Variants in AKAP13 observed in about 807,000 individuals in gnomAD.
AKAP13 encodes A-kinase anchoring protein 13.
In AKAP13, 80 loss-of-function variants were observed where a neutral mutation model predicts 264.5. That is an observed-to-expected ratio of 0.30 (90% CI 0.25 to 0.36). The LOEUF (loss-of-function observed/expected upper bound fraction) is 0.36, where lower values mean the gene tolerates loss of function less well. AKAP13 is among the 10% of genes least tolerant of loss of function. AKAP13 has a pLI of 1.00. For missense variants in AKAP13, 3,712 were observed against 3,435.2 expected (o/e 1.08, Z -2.01); for synonymous variants, 1,380 against 1,250.2 (o/e 1.10, Z -2.19).
At chr15:85,429,031 G>C (rs1047615580) in intron 1 of AKAP13, among the ~76,000 whole-genome samples, 4 of 152,148 alleles carry the variant, frequency 2.6e-5, no homozygotes, top group Non-Finnish European at 5.9e-5. Flanking sequence ...CATGCATAAA[G>C]TAATGTTATA....
chr15:85,698,424 C>T (rs1371079464), intron 17 of AKAP13, among the ~76,000 whole-genome samples: 4 of 132,356 alleles, frequency 3.0e-5, no homozygotes, highest in Non-Finnish European at 6.2e-5. Flanking sequence ...GAGATTGAGC[C>T]ACTACACTCC....
Position 85,585,150 on chromosome 15 carries a change from AG to A in AKAP13, c.4040-549del, listed in dbSNP as rs541202045. Among the ~76,000 whole-genome samples, 19 of 152,344 alleles carry A rather than the reference AG, an allele frequency of 1.2e-4. No individual in the cohort carries two copies. In the East Asian group the frequency reaches 3.7e-3, roughly 29 times the overall value. On this transcript the variant is annotated intron_variant, in intron 7 of 36. Coordinates refer to ENST00000394518, the MANE Select transcript of AKAP13 (RefSeq NM_007200.5). ...TTAGGTTTCAGTTTTGGAAGAAATA[AG>A]GGTTAAAAATAAGACGTAACTGCTG...
intron 12 of AKAP13, among the ~76,000 whole-genome samples, chr15:85,660,212 G>T (rs60023944): frequency 0.018 from 2,708 of 152,160 alleles, 80 homozygotes; most frequent in African/African-American, 0.061. Flanking sequence ...AATTAGCTAG[G>T]TGTGGTGGCA....
intron 29 of AKAP13, 31 bp from the exon 30 acceptor site, chr15:85,730,482 C>A: frequency 6.2e-7 from 1 of 1,605,794 alleles, no homozygotes; most frequent in South Asian, 1.1e-5. Context: ...AAACACCAAT[C>A]AAATCACAGA....
At chr15:85,658,026 TA>T (rs1332711886) in intron 11 of AKAP13, among the ~76,000 whole-genome samples, 3 of 152,180 alleles carry the variant, frequency 2.0e-5, no homozygotes, top group Non-Finnish European at 4.4e-5. Context: ...AGTTCAGTTC[TA>T]GACTGAACTG....
intron 1 of AKAP13, among the ~76,000 whole-genome samples, chr15:85,480,456 A>T (rs2075831242): frequency 6.6e-6 from 1 of 152,172 alleles, no homozygotes; most frequent in South Asian, 2.1e-4. Flanking sequence ...AAGCATTATT[A>T]TGCTCTTTCT....
intron 19 of AKAP13, among the ~76,000 whole-genome samples, chr15:85,714,124 T>C (rs2086783507): frequency 6.6e-6 from 1 of 152,192 alleles, no homozygotes; most frequent in South Asian, 2.1e-4. Context: ...AGTCAATTAA[T>C]GCATTTTGTT....
chr15:85,665,383 G>A (rs975984392), intron 13 of AKAP13, among the ~76,000 whole-genome samples: 4 of 151,934 alleles, frequency 2.6e-5, no homozygotes, highest in East Asian at 1.9e-4. Context: ...GCTACATATC[G>A]TTATTAATTT....
chr15:85,718,815 G>C lies in AKAP13; in HGVS notation c.6002-261G>C. The C allele has an allele frequency of 2.4e-6, 1 of 412,238 alleles. No individual in the cohort carries two copies. 25.5% of individuals were successfully genotyped at this position (412,238 alleles called of 1,614,324 possible). ...CTCGAGAGGCTAAAGCAGAAAGATC[G>C]CTTGAGCCCAGGAGGTTGAGGCTGC... On this transcript the variant is annotated intron_variant, in intron 22 of 36. Coordinates refer to ENST00000394518, the MANE Select transcript of AKAP13 (RefSeq NM_007200.5). The surrounding 1 kb of genome is among the most constrained non-coding windows in gnomAD (Gnocchi z 4.9).
chr15:85,657,419 CTCTT>C (rs758136255), intron 11 of AKAP13, among the ~76,000 whole-genome samples: 1 of 152,192 alleles, frequency 6.6e-6, no homozygotes, highest in Non-Finnish European at 1.5e-5. Flanking sequence ...TTTTCAGACT[CTCTT>C]TATAACACAT....
At chr15:85,575,071 G>A (rs554857137) in intron 5 of AKAP13, 60 bp from the exon 6 acceptor site, 42 of 1,532,838 alleles carry the variant, frequency 2.7e-5, no homozygotes, top group Admixed American at 3.4e-5. Flanking sequence ...GACTTAGAAC[G>A]TTAAGCCTAT....
intron 8 of AKAP13, among the ~76,000 whole-genome samples, chr15:85,629,023 G>C (rs1382865409): frequency 6.6e-6 from 1 of 151,992 alleles, no homozygotes; most frequent in African/African-American, 2.4e-5. Flanking sequence ...TGAGACCCCT[G>C]CCTCTCCAAA....
intron 1 of AKAP13, among the ~76,000 whole-genome samples, chr15:85,444,907 T>G (rs889502935): frequency 3.3e-5 from 5 of 152,206 alleles, no homozygotes; most frequent in African/African-American, 1.2e-4. Context: ...ACAATCATCA[T>G]AGCTGTTTTG....
chr15:85,526,149 T>C (rs372769796), intron 3 of AKAP13, among the ~76,000 whole-genome samples: 13 of 152,302 alleles, frequency 8.5e-5, no homozygotes, highest in African/African-American at 3.1e-4. Context: ...AAAAGAATAA[T>C]ACATTTACCT....
intron 13 of AKAP13, among the ~76,000 whole-genome samples, chr15:85,668,758 A>G (rs2083742722): frequency 6.6e-6 from 1 of 152,156 alleles, no homozygotes; most frequent in Non-Finnish European, 1.5e-5. Context: ...CCTGGCCAAC[A>G]TGGTGAAACC....
rs1236099712 is a variant in AKAP13 at position 85,732,450 on chromosome 15, TATATAACATA to T, written c.7282+1753_7282+1762del. Among the ~76,000 whole-genome samples, 3 of 111,976 alleles carry T rather than the reference TATATAACATA, an allele frequency of 2.7e-5. No individual in the cohort carries two copies. In the South Asian group the frequency reaches 7.4e-4, roughly 28 times the overall value. 73.5% of individuals were successfully genotyped at this position (111,976 alleles called of 152,430 possible). A position where few individuals can be genotyped will look rare whatever the true frequency, so the allele number is the denominator to read the frequency against. On this transcript the variant is annotated intron_variant, in intron 30 of 36. Coordinates refer to ENST00000394518, the MANE Select transcript of AKAP13 (RefSeq NM_007200.5). ...CATATATATAACATTATATATATAT[TATATAACATA>T]ATATAACATTATATGTTTTACATCA...
intron 1 of AKAP13, among the ~76,000 whole-genome samples, chr15:85,392,693 A>C (rs907389660): frequency 6.6e-6 from 1 of 152,100 alleles, no homozygotes; most frequent in African/African-American, 2.4e-5. Flanking sequence ...GGCACACGCC[A>C]CTGCACCTGG....
intron 3 of AKAP13, among the ~76,000 whole-genome samples, chr15:85,531,775 G>A (rs1476351856): frequency 2.0e-5 from 3 of 152,226 alleles, no homozygotes; most frequent in Non-Finnish European, 2.9e-5. Flanking sequence ...GGAGTATCGT[G>A]TGGATTCAGT....
At chr15:85,583,045 G>A (rs900768700) in intron 7 of AKAP13, 34 of 985,314 alleles carry the variant, frequency 3.5e-5, no homozygotes, top group Non-Finnish European at 3.7e-5. Context: ...AACGGGAGTC[G>A]GACACGATCT....
Sources: allele counts gnomAD v4.1 joint callset (sites outside exome capture counted in the v4.1 genomes callset), GRCh38; gene constraint gnomAD v4.1.1; non-coding constraint Gnocchi (gnomAD v3.1); transcripts MANE v1.5; gene names NCBI Gene and HGNC (gene_info 2026-07-23, HGNC 2026-07-21).